The following DPP6 variants were observed in gnomAD, a reference collection of about 807,000 sequenced individuals.
DPP6 encodes A-type potassium channel modulatory protein DPP6.
A neutral mutation model predicts 122.6 loss-of-function variants in DPP6; 69 were observed. The observed-to-expected ratio is 0.56, with a 90% CI of 0.46 to 0.69. The LOEUF (loss-of-function observed/expected upper bound fraction) is 0.69. Ranked by LOEUF, DPP6 falls within the 30% of genes least tolerant of loss-of-function variation. The pLI is 0.00. For missense variants in DPP6, 928 were observed against 1,116.9 expected, an observed-to-expected ratio of 0.83 and a Z score of 2.41; for synonymous variants, 418 against 433.1, an observed-to-expected ratio of 0.97 and a Z score of 0.43.
chr7:153,841,570 G>C, the DPP6 span, among the ~76,000 whole-genome samples: 1 of 152,188 alleles, frequency 6.6e-6, no homozygotes, highest in South Asian at 2.1e-4. Context: ...TAATGGGATG[G>C]TTTGAGTCAA....
intron 1 of DPP6, among the ~76,000 whole-genome samples, chr7:153,952,435 TCAAATCC>T (rs1802262845): frequency 6.6e-6 from 1 of 152,244 alleles, no homozygotes; most frequent in Admixed American, 6.5e-5. Flanking sequence ...TCACTCAGAT[TCAAATCC>T]AGATTTTAAT....
At chr7:154,317,006 A>G (rs193263034) in intron 1 of DPP6, among the ~76,000 whole-genome samples, 86 of 152,284 alleles carry the variant, frequency 5.6e-4, no homozygotes, top group Admixed American at 5.6e-3. Context: ...CAGTATGGTA[A>G]TTACAGTATC....
At chr7:154,289,779 C>A (rs78941173) in intron 1 of DPP6, among the ~76,000 whole-genome samples, 8 of 152,090 alleles carry the variant, frequency 5.3e-5, no homozygotes, top group Non-Finnish European at 1.0e-4. Flanking sequence ...TTTGTCATTG[C>A]CTAACATCCC....
intron 3 of DPP6, among the ~76,000 whole-genome samples, chr7:154,509,096 A>G (rs1163570246): frequency 6.6e-6 from 1 of 152,194 alleles, no homozygotes; most frequent in Non-Finnish European, 1.5e-5. Context: ...ATATAGTACA[A>G]AAAGCAAAAA....
At chr7:154,832,740 A>T (rs892977014) in intron 16 of DPP6, among the ~76,000 whole-genome samples, 5 of 152,092 alleles carry the variant, frequency 3.3e-5, no homozygotes, top group Non-Finnish European at 7.4e-5. Flanking sequence ...AGTGTGTTGA[A>T]CCCTAGTGAC....
At chr7:154,776,271 G>A (rs565046641) in intron 10 of DPP6, among the ~76,000 whole-genome samples, 2 of 149,732 alleles carry the variant, frequency 1.3e-5, no homozygotes, top group East Asian at 2.0e-4. Flanking sequence ...ATGATTGATA[G>A]ACAGATAGAT....
chr7:154,279,246 G>A (rs1336659831), intron 1 of DPP6, among the ~76,000 whole-genome samples: 1 of 152,188 alleles, frequency 6.6e-6, no homozygotes, highest in Admixed American at 6.5e-5. Context: ...ATATGTGTGT[G>A]TGGCATGCAT....
chr7:154,219,204 G>C (rs1028739797), intron 1 of DPP6, among the ~76,000 whole-genome samples: 7 of 152,164 alleles, frequency 4.6e-5, no homozygotes, highest in Admixed American at 2.6e-4. Flanking sequence ...TCATCCCCAG[G>C]CCAAGACAAT....
chr7:154,603,656 C>CAAAAAAAA (rs779501891), intron 5 of DPP6, among the ~76,000 whole-genome samples: 300 of 24,956 alleles, frequency 0.012, 29 homozygotes, highest in African/African-American at 0.032. Flanking sequence ...AACTCTGTCT[C>CAAAAAAAA]AAAAAAAAAA....
chr7:153,753,473 AT>A, the DPP6 span, among the ~76,000 whole-genome samples: 1 of 151,324 alleles, frequency 6.6e-6, no homozygotes, highest in Admixed American at 6.6e-5. Context: ...TTTCCTAGCC[AT>A]TTTTGCCAAC....
intron 7 of DPP6, among the ~76,000 whole-genome samples, chr7:154,677,635 G>T (rs1838996108): frequency 6.6e-6 from 1 of 152,232 alleles, no homozygotes; most frequent in East Asian, 1.9e-4. Context: ...CATCGCTCAC[G>T]TGTGGGCGTC....
chr7:154,505,969 C>T (rs1825632121), intron 3 of DPP6, among the ~76,000 whole-genome samples: 1 of 152,014 alleles, frequency 6.6e-6, no homozygotes, highest in Non-Finnish European at 1.5e-5. Context: ...GATTTGTCTA[C>T]TCTCCCCCAT....
intron 7 of DPP6, among the ~76,000 whole-genome samples, chr7:154,709,600 T>C (rs75532195): frequency 1.3e-5 from 2 of 149,732 alleles, no homozygotes; most frequent in African/African-American, 4.9e-5. Context: ...TTTTTTTTTT[T>C]CAAATATTCC....
chr7:153,991,235 G>C (rs1797164380), intron 1 of DPP6, among the ~76,000 whole-genome samples: 1 of 151,958 alleles, frequency 6.6e-6, no homozygotes, highest in South Asian at 2.1e-4. Flanking sequence ...CATGACTCTG[G>C]CCTGCCTCTC....
At position 154,755,178 on chromosome 7, in the gene DPP6, T is replaced by C. The variant is rs1843603961; in HGVS notation, c.884-14239T>C. Reference sequence around the variant, plus strand: ...AAAAAAAAAAAAGAAACTGAACACATGTCAGGAGCTGAATTTAAAACAATG... The same window carrying C: ...AAAAAAAAAAAAGAAACTGAACACACGTCAGGAGCTGAATTTAAAACAATG... On this transcript the variant is annotated intron_variant, in intron 8 of 25. Transcript: ENST00000377770. This position sits in a 1 kb window ranked among gnomAD's most constrained non-coding sequence, Gnocchi z 4.7. 2.0e-5 allele frequency among the ~76,000 whole-genome samples: 3 copies of C among 147,216 alleles called. No homozygotes were observed. In the South Asian group the frequency reaches 6.5e-4, roughly 32 times the overall value.
chr7:154,425,617 TGTGG>T lies in DPP6; in HGVS notation c.244-20593_244-20590del, dbSNP rs1175930436. Among the ~76,000 whole-genome samples, 963 of 121,758 alleles carry T rather than the reference TGTGG, an allele frequency of 7.9e-3. 14 individuals are homozygous for T. The highest frequency in any genetic ancestry group is 0.03 in the African/African-American group (914 of 30,144). 79.9% of individuals were successfully genotyped at this position (121,758 alleles called of 152,430 possible). A position where few individuals can be genotyped will look rare whatever the true frequency, so the allele number is the denominator to read the frequency against. On this transcript the variant is annotated intron_variant, in intron 1 of 25. Coordinates refer to ENST00000377770, the MANE Select transcript of DPP6 (RefSeq NM_130797.4). Reference sequence around the variant, plus strand: ...TTGGGGAAAAAAATGTGTGTGTGTGTGTGGGTGTGTGTGTGTGTGTGTGTGTGTG... The same window carrying T: ...TTGGGGAAAAAAATGTGTGTGTGTGTGTGTGTGTGTGTGTGTGTGTGTGTG...
At chr7:154,430,780 G>T (rs543021889) in intron 1 of DPP6, among the ~76,000 whole-genome samples, 15 of 152,290 alleles carry the variant, frequency 9.8e-5, no homozygotes, top group African/African-American at 3.6e-4. Context: ...CTTCAGTGCT[G>T]CAAGGGCTGT....
intron 4 of DPP6, among the ~76,000 whole-genome samples, chr7:154,562,089 A>G (rs553950899): frequency 1.3e-3 from 205 of 152,248 alleles, no homozygotes; most frequent in Middle Eastern, 6.8e-3. Context: ...TCCAAAATTC[A>G]TTTCTTAGGG....
intron 1 of DPP6, among the ~76,000 whole-genome samples, chr7:153,943,888 G>T (rs543934962): frequency 6.6e-6 from 1 of 152,224 alleles, no homozygotes; most frequent in East Asian, 1.9e-4. Flanking sequence ...TCTGCAAAAG[G>T]GAATTTAAAA....
Sources: allele counts gnomAD v4.1 joint callset (sites outside exome capture counted in the v4.1 genomes callset), GRCh38; gene constraint gnomAD v4.1.1; non-coding constraint Gnocchi (gnomAD v3.1); transcripts MANE v1.5; gene names NCBI Gene and HGNC (gene_info 2026-07-23, HGNC 2026-07-21).